Variants in ALK observed in about 807,000 individuals in gnomAD.
ALK encodes the protein ALK tyrosine kinase receptor.
ALK carries 74 observed loss-of-function variants against 163.1 expected under a neutral mutation model. That is an observed-to-expected ratio of 0.45 (90% confidence interval 0.38 to 0.55). The LOEUF is 0.55. Ranked by LOEUF, ALK falls within the 20% of genes least tolerant of loss-of-function variation. The pLI is 0.00. For synonymous variants in ALK, 960 were observed against 843.2 expected, an observed-to-expected ratio of 1.14 and a Z score of -2.40; for missense variants, 2,063 against 2,105.3, an observed-to-expected ratio of 0.98 and a Z score of 0.39.
intron 3 of ALK, among the ~76,000 whole-genome samples, chr2:29,676,568 T>C (rs747537424): frequency 6.6e-6 from 1 of 152,180 alleles, no homozygotes; most frequent in Non-Finnish European, 1.5e-5. Flanking sequence ...TTTGGCTTTA[T>C]AGTAAGTTTT....
At chr2:29,585,413 A>G (rs1674853723) in intron 3 of ALK, among the ~76,000 whole-genome samples, 1 of 151,790 alleles carries the variant, frequency 6.6e-6, no homozygotes, top group Non-Finnish European at 1.5e-5. Context: ...CACAACCTCC[A>G]CCTCCTGGGT....
At chr2:29,709,220 T>G (rs6759183) in intron 2 of ALK, among the ~76,000 whole-genome samples, 27,506 of 152,082 alleles carry the variant, frequency 0.18, 6,197 homozygotes, top group African/African-American at 0.54. Flanking sequence ...TAAAATCACA[T>G]CTTTGAATCC....
chr2:29,826,559 T>C (rs766343543), intron 1 of ALK, among the ~76,000 whole-genome samples: 1 of 152,188 alleles, frequency 6.6e-6, no homozygotes, highest in Non-Finnish European at 1.5e-5. Flanking sequence ...ACAAGCCTCA[T>C]GCAATATTAA....
intron 4 of ALK, among the ~76,000 whole-genome samples, chr2:29,426,522 G>C (rs1312307280): frequency 6.6e-6 from 1 of 152,144 alleles, no homozygotes; most frequent in Non-Finnish European, 1.5e-5. Context: ...AGTGCTGAAA[G>C]AAAAACTCTG....
At chr2:29,322,231 C>T (rs1379449931) in intron 6 of ALK, among the ~76,000 whole-genome samples, 2 of 152,242 alleles carry the variant, frequency 1.3e-5, no homozygotes, top group Non-Finnish European at 2.9e-5. Context: ...CGCTTCCTGG[C>T]TGTGACAGCA....
chr2:29,226,801 G>A lies in ALK; in HGVS notation c.3067+121C>T. On this transcript the variant is annotated intron_variant, in intron 18 of 28. Coordinates refer to ENST00000389048, the MANE Select transcript of ALK (RefSeq NM_004304.5). Reference sequence around the variant, plus strand: ...GAGCACTCGAGCTGTGGCAGGTAGGGGAGGGACAGAAAGTTTACAAAACCG... The same window carrying A: ...GAGCACTCGAGCTGTGGCAGGTAGGAGAGGGACAGAAAGTTTACAAAACCG... 11 of 1,251,462 alleles carry A rather than the reference G, an allele frequency of 8.8e-6. No individual in the cohort carries two copies. The South Asian group carries it at 1.3e-4, about 15-fold the overall frequency. The allele number at this position is 1,251,462 out of a possible 1,614,324, so 77.5% of individuals were successfully genotyped here. A position where few individuals can be genotyped will look rare whatever the true frequency, so the allele number is the denominator to read the frequency against.
In ALK at chr2:29,920,501, A is replaced by G. The variant is rs2148443775; in HGVS notation, c.159T>C (p.Ser53=). The part of the protein sequence containing the change: ...PLSYSRLQRK[S]LAVDFVVPSL... ...AGGGCACCACGAAGTCAACTGCCAG[A>G]CTCTTCCTCTGCAGGCGCGAGTAGC... The change falls in exon 1 of 29, where the codon AGT becomes AGC. Residue 53 remains serine, a synonymous_variant. Transcript: ENST00000389048. 6.2e-7 allele frequency: 1 copy of G among 1,612,564 alleles called. No individual in the cohort carries two copies. Among genetic ancestry groups the G allele is most frequent in the Non-Finnish European group, 8.5e-7 (1 of 1,179,588 alleles).
intron 3 of ALK, among the ~76,000 whole-genome samples, chr2:29,587,618 T>G (rs1036672709): frequency 2.0e-5 from 3 of 152,168 alleles, no homozygotes; most frequent in Non-Finnish European, 4.4e-5. Flanking sequence ...TTTGGTTTTA[T>G]AGAAAATGCA....
In ALK at chr2:29,220,711, G is replaced by A. The variant is rs758172315; in HGVS notation, c.3640C>T (p.Arg1214Cys). The change falls in exon 23 of 29, where the codon CGC (arginine) becomes TGC (cysteine). Residue 1214 changes from arginine (R) to cysteine (C), a missense_variant. Physicochemically the swap from Arg to Cys is radical, Grantham distance 180. This residue lies in a region of ALK where 575 missense variants were observed against 626.6 expected (regional missense o/e 0.92). Coordinates refer to ENST00000389048, the MANE Select transcript of ALK (RefSeq NM_004304.5). Reference protein sequence around the residue: ...LKSFLRETRPRPSQPSSLAML... With the variant: ...LKSFLRETRPCPSQPSSLAML... ...AAAGACTGGTTCTCACTCACCGGGC[G>A]AGGGCGGGTCTCTCGGAGGAAGGAC... 7.4e-6 allele frequency: 12 copies of A among 1,613,634 alleles called. No individual in the cohort carries two copies. Among genetic ancestry groups the A allele is most frequent in the Middle Eastern group, 1.7e-4 (1 of 6,050 alleles).
rs114444745 is a variant in ALK at position 29,802,107 on chromosome 2, C to A, written c.668-84410G>T. On this transcript the variant is annotated intron_variant, in intron 1 of 28. Coordinates refer to ENST00000389048, the MANE Select transcript of ALK (RefSeq NM_004304.5). ...AATGTCAAAACAAAATCTCCCAAAA[C>A]TAATCAAGATTAAATATATTTGGCT... Among the ~76,000 whole-genome samples the A allele has an allele frequency of 8.8e-3, 1,336 of 152,120 alleles. 10 individuals are homozygous for A. The highest frequency in any genetic ancestry group is 0.014 in the Non-Finnish European group (962 of 67,986).
intron 1 of ALK, among the ~76,000 whole-genome samples, chr2:29,884,051 G>A (rs548871622): frequency 5.9e-5 from 9 of 152,226 alleles, no homozygotes; most frequent in African/African-American, 2.2e-4. Context: ...CAAATGTAAA[G>A]ATGCAGCATT....
chr2:29,491,927 T>C (rs55992247), intron 4 of ALK, among the ~76,000 whole-genome samples: 41,758 of 152,184 alleles, frequency 0.27, 6,826 homozygotes, highest in Non-Finnish European at 0.37. Context: ...CTAACCACAC[T>C]TAATTTAATT....
intron 4 of ALK, among the ~76,000 whole-genome samples, chr2:29,406,076 G>C (rs1178190466): frequency 6.6e-6 from 1 of 152,212 alleles, no homozygotes; most frequent in East Asian, 1.9e-4. Context: ...TAGGAGCTGT[G>C]ATTGTATTAT....
chr2:29,658,778 T>C (rs963376771), intron 3 of ALK, among the ~76,000 whole-genome samples: 1 of 152,204 alleles, frequency 6.6e-6, no homozygotes, highest in Non-Finnish European at 1.5e-5. Flanking sequence ...CTGCATAATA[T>C]GTAATACACA....
intron 4 of ALK, among the ~76,000 whole-genome samples, chr2:29,526,455 A>G (rs1672963005): frequency 1.3e-5 from 2 of 152,202 alleles, no homozygotes; most frequent in South Asian, 4.1e-4. Flanking sequence ...TTTAAAAATT[A>G]CCTTTAGAGC....
chr2:29,638,018 C>CAG (rs10632295), intron 3 of ALK, among the ~76,000 whole-genome samples: 96,937 of 151,758 alleles, frequency 0.64, 31,875 homozygotes, highest in Middle Eastern at 0.75. Context: ...ATGAAATAAG[C>CAG]AGAGCTCTAG....
At chr2:29,730,404 GA>G (rs976760049) in intron 1 of ALK, among the ~76,000 whole-genome samples, 2 of 152,106 alleles carry the variant, frequency 1.3e-5, no homozygotes, top group Non-Finnish European at 2.9e-5. Context: ...TTGATTTTAT[GA>G]CTTGGAAAGG....
At chr2:29,716,117 C>T (rs1679247060) in intron 2 of ALK, among the ~76,000 whole-genome samples, 1 of 151,976 alleles carries the variant, frequency 6.6e-6, no homozygotes, top group Admixed American at 6.6e-5. Context: ...TAGCTTAGGC[C>T]CAAGGGTATA....
intron 1 of ALK, among the ~76,000 whole-genome samples, chr2:29,806,355 C>G (rs1424736888): frequency 1.3e-5 from 2 of 151,982 alleles, no homozygotes; most frequent in African/African-American, 4.8e-5. Context: ...AAAAGGGTTC[C>G]ATGTGATAAC....
Sources: gnomAD v4.1 joint callset for allele counts (sites outside exome capture counted in the v4.1 genomes callset) on GRCh38, gnomAD v4.1.1 for gene constraint, gnomAD v4.1.1 regional missense constraint, MANE v1.5 for transcripts, NCBI Gene and HGNC (gene_info 2026-07-23, HGNC 2026-07-21) for gene names.